Variants in FOXJ3 observed in about 807,000 individuals in gnomAD.
FOXJ3 encodes the protein forkhead box J3.
In FOXJ3, 22 loss-of-function variants were observed where a neutral mutation model predicts 76.1. The observed-to-expected ratio is 0.29, with a 90% CI of 0.21 to 0.41. FOXJ3 has a LOEUF of 0.41. FOXJ3 is among the 10% of genes least tolerant of loss of function. The pLI, the probability that FOXJ3 is intolerant of heterozygous loss-of-function variation, is 1.00. For missense variants in FOXJ3, 613 were observed against 762.1 expected, an observed-to-expected ratio of 0.80 and a Z score of 2.30; for synonymous variants, 269 against 261.2, an observed-to-expected ratio of 1.03 and a Z score of -0.29.
chr1:42,203,477 T>C (rs930128106), intron 6 of FOXJ3, among the ~76,000 whole-genome samples: 1 of 152,182 alleles, frequency 6.6e-6, no homozygotes, highest in Admixed American at 6.5e-5. Flanking sequence ...GGCTGATCTA[T>C]TTTGGTTTGC....
At chr1:42,324,065 C>T (rs987940870) in intron 1 of FOXJ3, among the ~76,000 whole-genome samples, 19 of 141,590 alleles carry the variant, frequency 1.3e-4, no homozygotes, top group South Asian at 4.4e-4. Context: ...ACTGTATATA[C>T]ACAGTGTATA....
intron 4 of FOXJ3, among the ~76,000 whole-genome samples, chr1:42,247,249 T>C (rs563583059): frequency 2.0e-5 from 3 of 152,310 alleles, no homozygotes; most frequent in East Asian, 1.9e-4. Flanking sequence ...ACACATTCTA[T>C]GTATGTAACA....
chr1:42,183,067 G>A (rs1646357058), intron 11 of FOXJ3, among the ~76,000 whole-genome samples: 2 of 150,000 alleles, frequency 1.3e-5, no homozygotes, highest in African/African-American at 2.5e-5. Context: ...CTGAGGTCAC[G>A]AGTTCAAGAT....
At chr1:42,219,558 C>T (rs187212361) in intron 5 of FOXJ3, among the ~76,000 whole-genome samples, 90 of 152,284 alleles carry the variant, frequency 5.9e-4, no homozygotes, top group African/African-American at 2.1e-3. Context: ...TATAACATAA[C>T]TTGGCCTTGC....
chr1:42,234,431 C>T (rs923867723), intron 4 of FOXJ3, among the ~76,000 whole-genome samples: 2 of 152,120 alleles, frequency 1.3e-5, no homozygotes, highest in African/African-American at 4.8e-5. Context: ...AGCTTTGTTC[C>T]GTTGCTGGTG....
chr1:42,277,903 G>T (rs970929963), intron 3 of FOXJ3, among the ~76,000 whole-genome samples: 3 of 144,630 alleles, frequency 2.1e-5, no homozygotes, highest in African/African-American at 7.8e-5. Context: ...CGTGAACCCA[G>T]AAGGCGAAGC....
chr1:42,334,146 C>T (rs908524446), intron 1 of FOXJ3: 1 of 980,372 alleles, frequency 1.0e-6, no homozygotes, highest in Non-Finnish European at 1.2e-6. Context: ...CTGAATGCAT[C>T]GGTAGCAAGC....
chr1:42,281,463 A>G (rs1450116279), intron 2 of FOXJ3, among the ~76,000 whole-genome samples: 4 of 152,078 alleles, frequency 2.6e-5, no homozygotes, highest in Admixed American at 2.0e-4. Context: ...ACTGGAAAGA[A>G]AAAGGACCCT....
intron 2 of FOXJ3, among the ~76,000 whole-genome samples, chr1:42,291,093 G>A (rs1195712968): frequency 6.6e-6 from 1 of 151,964 alleles, no homozygotes; most frequent in Non-Finnish European, 1.5e-5. Context: ...TAGACAGACA[G>A]ACAGACAGAT....
chr1:42,196,639 G>A (rs1249205487), intron 7 of FOXJ3, among the ~76,000 whole-genome samples: 1 of 152,202 alleles, frequency 6.6e-6, no homozygotes, highest in Non-Finnish European at 1.5e-5. Flanking sequence ...GTTGCCATAA[G>A]CTGAGAACAC....
intron 1 of FOXJ3, among the ~76,000 whole-genome samples, chr1:42,314,449 T>C (rs1431762494): frequency 6.6e-6 from 1 of 152,196 alleles, no homozygotes; most frequent in Non-Finnish European, 1.5e-5. Context: ...GGTTTCACCA[T>C]GTTGGTCAGG....
chr1:42,285,920 T>C (rs1004394232), intron 2 of FOXJ3, among the ~76,000 whole-genome samples: 8 of 152,210 alleles, frequency 5.3e-5, no homozygotes, highest in East Asian at 1.9e-4. Flanking sequence ...TTGGTTTATA[T>C]AGGTTTTCAA....
intron 12 of FOXJ3, 52 bp downstream of exon 12, chr1:42,181,865 T>TCG: frequency 2.1e-6 from 2 of 963,908 alleles, no homozygotes; most frequent in Non-Finnish European, 3.1e-6. Flanking sequence ...CCTGGAGTGC[T>TCG]CACACACACA....
intron 5 of FOXJ3, among the ~76,000 whole-genome samples, chr1:42,214,020 T>C (rs945263834): frequency 6.6e-6 from 1 of 152,168 alleles, no homozygotes; most frequent in Non-Finnish European, 1.5e-5. Flanking sequence ...CTGTACCCCA[T>C]AAATATATAC....
chr1:42,319,164 A>C (rs1399277633), intron 1 of FOXJ3, among the ~76,000 whole-genome samples: 2 of 152,152 alleles, frequency 1.3e-5, no homozygotes, highest in African/African-American at 4.8e-5. Flanking sequence ...CAAGAGGTGG[A>C]GGCTGCAGTG....
chr1:42,187,902 T>C (rs749416935), intron 11 of FOXJ3, among the ~76,000 whole-genome samples: 4 of 152,082 alleles, frequency 2.6e-5, no homozygotes, highest in African/African-American at 7.2e-5. Context: ...AGATAATAGA[T>C]TTCCACTACA....
At chr1:42,262,973 T>C (rs888445970) in intron 4 of FOXJ3, among the ~76,000 whole-genome samples, 4 of 150,940 alleles carry the variant, frequency 2.7e-5, no homozygotes, top group African/African-American at 9.9e-5. Context: ...ATGACCAAAA[T>C]CAATAAGAAT....
chr1:42,179,872 AG>A, intron 12 of FOXJ3, 47 bp from the exon 13 acceptor site: 4 of 1,252,474 alleles, frequency 3.2e-6, no homozygotes, highest in Non-Finnish European at 4.7e-6. Flanking sequence ...TAGAGAAGAA[AG>A]TAAGAAATAA....
intron 1 of FOXJ3, among the ~76,000 whole-genome samples, chr1:42,321,044 T>C (rs1655401661): frequency 6.6e-6 from 1 of 152,178 alleles, no homozygotes; most frequent in Non-Finnish European, 1.5e-5. Flanking sequence ...GATAGGAAGC[T>C]ATAAAGCCTC....
Sources: gnomAD v4.1 joint callset for allele counts (sites outside exome capture counted in the v4.1 genomes callset) on GRCh38, gnomAD v4.1.1 for gene constraint, MANE v1.5 for transcripts, NCBI Gene and HGNC (gene_info 2026-07-23, HGNC 2026-07-21) for gene names.